Variants in AUTS2 observed in about 807,000 individuals in gnomAD.
The protein encoded by AUTS2 is autism susceptibility gene 2 protein.
In AUTS2, 17 loss-of-function variants were observed where a neutral mutation model predicts 112.4. The observed-to-expected ratio is 0.15, with a 90% CI of 0.10 to 0.23. The LOEUF is 0.23. Ranked by LOEUF, AUTS2 falls within the 10% of genes least tolerant of loss-of-function variation. The probability of loss-of-function intolerance (pLI) is 1.00; values close to 1 mark genes in which losing one functional copy is unlikely to be tolerated. For synonymous variants in AUTS2, 751 were observed against 702.7 expected, an observed-to-expected ratio of 1.07 and a Z score of -1.09; for missense variants, 1,510 against 1,701.6, an observed-to-expected ratio of 0.89 and a Z score of 1.98.
chr7:70,755,435 C>CG (rs1177646785), intron 6 of AUTS2, among the ~76,000 whole-genome samples: 1 of 151,838 alleles, frequency 6.6e-6, no homozygotes, highest in African/African-American at 2.4e-5. Flanking sequence ...GAGGCCGAGG[C>CG]GGGGGTGGAT....
Position 69,699,763 on chromosome 7 carries a change from G to C in AUTS2, c.309+99801G>C, listed in dbSNP as rs61575661. On this transcript the variant is annotated intron_variant, in intron 1 of 18. Transcript: ENST00000342771. The stretch of plus-strand genomic sequence containing the variant: ...AGGTTCAAGCAATTCTTCTGCCTCA[G>C]CCTCCTGAATAGCTGGAATTACAGG... Among the ~76,000 whole-genome samples the C allele has an allele frequency of 2.0e-5, 3 of 149,526 alleles. No homozygotes were observed. The Admixed American group carries it at 2.0e-4, about 10-fold the overall frequency.
intron 6 of AUTS2, among the ~76,000 whole-genome samples, chr7:70,755,119 G>A (rs960507467): frequency 2.6e-5 from 4 of 152,270 alleles, no homozygotes; most frequent in Non-Finnish European, 5.9e-5. Context: ...CAGGTGGAAG[G>A]TTTAATATGC....
chr7:70,118,401 G>T, intron 3 of AUTS2, 168 bp downstream of exon 3: 1 of 788,732 alleles, frequency 1.3e-6, no homozygotes. Context: ...TTTGAGCATT[G>T]TAGTTATGGT....
intron 6 of AUTS2, among the ~76,000 whole-genome samples, chr7:70,707,436 T>C (rs987082027): frequency 1.3e-5 from 2 of 152,242 alleles, no homozygotes; most frequent in South Asian, 2.1e-4. Context: ...ATAGCAGTCA[T>C]ACTGTGCTAG....
chr7:69,712,257 A>G (rs1461066198), intron 1 of AUTS2, among the ~76,000 whole-genome samples: 2 of 152,132 alleles, frequency 1.3e-5, no homozygotes, highest in African/African-American at 4.8e-5. Context: ...TAAACCTTGG[A>G]TATTTAGTAT....
chr7:70,214,059 T>C (rs1418124231), intron 4 of AUTS2, among the ~76,000 whole-genome samples: 3 of 152,176 alleles, frequency 2.0e-5, no homozygotes, highest in Non-Finnish European at 4.4e-5. Flanking sequence ...TTAGACCTAA[T>C]TATATATTTC....
At chr7:69,831,547 G>T (rs942051288) in intron 1 of AUTS2, among the ~76,000 whole-genome samples, 2 of 152,150 alleles carry the variant, frequency 1.3e-5, no homozygotes, top group Admixed American at 1.3e-4. Context: ...GACCCAGGTT[G>T]TCTCTCCTAT....
At chr7:69,997,184 C>T (rs1798984920) in intron 2 of AUTS2, among the ~76,000 whole-genome samples, 1 of 152,142 alleles carries the variant, frequency 6.6e-6, no homozygotes, top group Non-Finnish European at 1.5e-5. Context: ...GCACAGCTGG[C>T]ATTATCCCTA....
rs193184361 is a variant in AUTS2, at chr7:70,677,505, C to T, written c.691-21064C>T. On this transcript the variant is annotated intron_variant, in intron 5 of 18. Transcript: ENST00000342771. Reference sequence around the variant, plus strand: ...GTTGCATCACTGCCACACACTCGTGCGTTCCTTGAGGTTCTGCCTCCTAAG... The same window carrying T: ...GTTGCATCACTGCCACACACTCGTGTGTTCCTTGAGGTTCTGCCTCCTAAG... Among the ~76,000 whole-genome samples, 103 of 152,274 alleles carry T rather than the reference C, an allele frequency of 6.8e-4. 1 individual carries two copies. Among genetic ancestry groups the T allele is most frequent in the African/African-American group, 2.2e-3 (92 of 41,572 alleles).
intron 5 of AUTS2, among the ~76,000 whole-genome samples, chr7:70,499,917 G>A (rs1010164470): frequency 1.3e-5 from 2 of 152,170 alleles, no homozygotes; most frequent in Non-Finnish European, 2.9e-5. Flanking sequence ...ACTTGTTGAG[G>A]AAGACTCCAG....
At chr7:70,098,682 A>C (rs567646379) in intron 2 of AUTS2, among the ~76,000 whole-genome samples, 1 of 151,578 alleles carries the variant, frequency 6.6e-6, no homozygotes, top group Non-Finnish European at 1.5e-5. Context: ...TTGTAAATCC[A>C]GAAGTTTTAA....
Position 70,789,781 on chromosome 7 carries a change from T to C in AUTS2, c.2565T>C (p.Pro855=). 1.2e-6 allele frequency: 2 copies of C among 1,613,912 alleles called. No homozygotes were observed. Among genetic ancestry groups the C allele is most frequent in the Non-Finnish European group, 1.7e-6 (2 of 1,179,912 alleles). Residue 855 remains proline (P), a synonymous_variant, in exon 19 of 19, where the codon CCT becomes CCC. Coordinates refer to ENST00000342771, the MANE Select transcript of AUTS2 (RefSeq NM_015570.4). The part of the protein sequence containing the change: ...ESVEKRHSSH[P]SPAPVLPVNA... ...TCGAGAAGAGACACTCCAGCCACCC[T>C]TCACCAGCACCTGTCCTCCCGGTGA...
At chr7:70,539,301 A>G (rs902684491) in intron 5 of AUTS2, among the ~76,000 whole-genome samples, 6 of 152,144 alleles carry the variant, frequency 3.9e-5, no homozygotes, top group African/African-American at 1.4e-4. Context: ...CTTTCTGTCA[A>G]CCTGAAAGAC....
chr7:70,669,383 G>A (rs1563115159), intron 5 of AUTS2, among the ~76,000 whole-genome samples: 1 of 152,226 alleles, frequency 6.6e-6, no homozygotes, highest in Non-Finnish European at 1.5e-5. Context: ...TAAGGATCTT[G>A]TTTCTCTGGC....
intron 4 of AUTS2, among the ~76,000 whole-genome samples, chr7:70,304,114 A>G (rs1789374881): frequency 6.6e-6 from 1 of 152,192 alleles, no homozygotes; most frequent in South Asian, 2.1e-4. Context: ...TCCTGCCTAA[A>G]GCAAGGGAAT....
intron 5 of AUTS2, among the ~76,000 whole-genome samples, chr7:70,471,122 G>T (rs1045704182): frequency 1.3e-5 from 2 of 152,146 alleles, no homozygotes; most frequent in African/African-American, 4.8e-5. Context: ...CCGCACAAAG[G>T]CTGTTGAAAG....
At chr7:70,757,007 C>T (rs1482879223) in intron 6 of AUTS2, among the ~76,000 whole-genome samples, 2 of 152,174 alleles carry the variant, frequency 1.3e-5, no homozygotes, top group Admixed American at 6.5e-5. Flanking sequence ...CCACCAGTGA[C>T]CTGCAGTCAT....
chr7:70,453,794 G>A (rs12539181), intron 5 of AUTS2, among the ~76,000 whole-genome samples: 1 of 152,144 alleles, frequency 6.6e-6, no homozygotes, highest in African/African-American at 2.4e-5. Context: ...GTGGCATTTA[G>A]GGCCTATCCA....
intron 2 of AUTS2, among the ~76,000 whole-genome samples, chr7:70,095,088 A>T (rs1344054309): frequency 1.3e-5 from 2 of 151,720 alleles, no homozygotes; most frequent in African/African-American, 4.9e-5. Context: ...GAACTGAAAA[A>T]CTCCTGAATT....
Sources: allele counts gnomAD v4.1 joint callset (sites outside exome capture counted in the v4.1 genomes callset), GRCh38; gene constraint gnomAD v4.1.1; transcripts MANE v1.5; gene names NCBI Gene and HGNC (gene_info 2026-07-23, HGNC 2026-07-21).